MTMR14: variants seen among roughly 807,000 people sequenced by gnomAD.
MTMR14 encodes the protein myotubularin related protein 14.
Under a neutral mutation model 86.3 loss-of-function variants are expected in MTMR14, and 48 were observed. The ratio of observed to expected loss-of-function variants is 0.56; its 90% CI spans 0.44 to 0.71. MTMR14 has a LOEUF of 0.71. Ranked by LOEUF, MTMR14 falls within the 30% of genes least tolerant of loss-of-function variation. The pLI is 0.00. For missense variants in MTMR14, 780 were observed against 834.6 expected, an observed-to-expected ratio of 0.93 and a Z score of 0.81; for synonymous variants, 366 against 326.1, an observed-to-expected ratio of 1.12 and a Z score of -1.32.
At chr3:9,662,948 C>T (rs2048024437) in intron 3 of MTMR14, among the ~76,000 whole-genome samples, 1 of 152,108 alleles carries the variant, frequency 6.6e-6, no homozygotes, top group Admixed American at 6.6e-5. Flanking sequence ...GGGATGTGCC[C>T]ATTTCATTGC....
At chr3:9,686,352 C>T (rs986976136) in intron 13 of MTMR14, among the ~76,000 whole-genome samples, 3 of 152,194 alleles carry the variant, frequency 2.0e-5, no homozygotes, top group East Asian at 1.9e-4. Flanking sequence ...TCTCCCTCCC[C>T]GACAAAGCAG....
At chr3:9,675,106 C>G (rs1293296765) in intron 7 of MTMR14, among the ~76,000 whole-genome samples, 1 of 152,088 alleles carries the variant, frequency 6.6e-6, no homozygotes, top group Non-Finnish European at 1.5e-5. Context: ...AGGGAAACTC[C>G]GTCTCAAAAC....
chr3:9,670,019 C>A (rs1426686528), intron 5 of MTMR14, among the ~76,000 whole-genome samples: 4 of 152,174 alleles, frequency 2.6e-5, no homozygotes, highest in African/African-American at 4.8e-5. Context: ...GAGTTTGAGT[C>A]CCTATAAAAG....
chr3:9,687,979 C>T, intron 14 of MTMR14, 88 bp downstream of exon 14: 1 of 1,094,742 alleles, frequency 9.1e-7, no homozygotes, highest in Non-Finnish European at 1.4e-6. Context: ...CCACCTCATT[C>T]CCGCCCTGCC....
At chr3:9,689,198 G>A in intron 16 of MTMR14, 116 bp downstream of exon 16, 1 of 1,448,692 alleles carries the variant, frequency 6.9e-7, no homozygotes, top group South Asian at 1.2e-5. Context: ...AGAGCTGAGA[G>A]GATAGCTCCG....
intron 1 of MTMR14, among the ~76,000 whole-genome samples, chr3:9,651,811 A>G (rs1280896843): frequency 6.8e-6 from 1 of 148,124 alleles, no homozygotes; most frequent in African/African-American, 2.5e-5. Context: ...GACTACAGGC[A>G]TGCACCATCA....
At chr3:9,698,181 G>T (rs1192550751) in intron 18 of MTMR14, among the ~76,000 whole-genome samples, 1 of 152,156 alleles carries the variant, frequency 6.6e-6, no homozygotes, top group Non-Finnish European at 1.5e-5. Context: ...CATGAGAATC[G>T]TTTGAAGGCA....
chr3:9,669,224 T>C (rs1352397454), intron 4 of MTMR14, among the ~76,000 whole-genome samples: 6 of 151,646 alleles, frequency 4.0e-5, no homozygotes, highest in Non-Finnish European at 8.8e-5. Context: ...ATCAGGGGCC[T>C]TCCTTTGATC....
chr3:9,698,184 T>G (rs766238487), intron 18 of MTMR14, among the ~76,000 whole-genome samples: 8 of 152,070 alleles, frequency 5.3e-5, no homozygotes, highest in Non-Finnish European at 1.0e-4. Context: ...GAGAATCGTT[T>G]GAAGGCAGAA....
At position 9,663,502 on chromosome 3, in the gene MTMR14, T is replaced by TC. The variant is rs1491185997; in HGVS notation, c.417+1127_417+1128insC. Among the ~76,000 whole-genome samples the TC allele has an allele frequency of 3.8e-3, 288 of 75,822 alleles. 19 individuals carry two copies. Among genetic ancestry groups the TC allele is most frequent in the African/African-American group, 0.017 (277 of 16,300 alleles). The allele number at this position is 75,822 out of a possible 152,430, so 49.7% of individuals were successfully genotyped here. A position where few individuals can be genotyped will look rare whatever the true frequency, so the allele number is the denominator to read the frequency against. The stretch of plus-strand genomic sequence containing the variant: ...TTTTTTTTGAGATGGAGTCTCTCTC[T>TC]TTTTTTTTTTTTTTTTTTTTTTTTT... On this transcript the variant is annotated intron_variant, in intron 3 of 18. Transcript: ENST00000296003.
Position 9,677,531 on chromosome 3 carries a change from CCT to C in MTMR14, c.822+148_822+149del. The C allele has an allele frequency of 1.4e-6, 1 of 722,268 alleles. No individual in the cohort carries two copies. The allele number at this position is 722,268 out of a possible 1,614,324, so 44.7% of individuals were successfully genotyped here. On this transcript the variant is annotated intron_variant, in intron 8 of 18. Coordinates refer to ENST00000296003, the MANE Select transcript of MTMR14 (RefSeq NM_001077525.3). The surrounding 1 kb of genome is among the most constrained non-coding windows in gnomAD (Gnocchi z 4.2). ...TTTCCTCCCTGATTGTTTCTGTCTTCCTCTCCCTCTTCTCCTTGTATATACTT... is the reference window on the plus strand; with the variant it reads ...TTTCCTCCCTGATTGTTTCTGTCTTCCTCCCTCTTCTCCTTGTATATACTT...
chr3:9,689,039 GC>G lies in MTMR14; in HGVS notation c.1392del (p.Val465TrpfsTer95). The G allele has an allele frequency of 6.2e-7, 1 of 1,613,648 alleles. No individual in the cohort carries two copies. The highest frequency in any genetic ancestry group is 8.5e-7 in the Non-Finnish European group (1 of 1,180,028). ...AGCCACTGGGAGCTTCACCTATGAG[GC>G]CGTGGAGCTGGTCCCAGCAGGAGCG... ...PGATGSFTYE[A>X]VELVPAGAPT... On this transcript the variant is annotated frameshift_variant, in exon 16 of 19. Coordinates refer to ENST00000296003, the MANE Select transcript of MTMR14 (RefSeq NM_001077525.3). LOFTEE classifies it high-confidence loss of function.
intron 14 of MTMR14, among the ~76,000 whole-genome samples, chr3:9,688,220 C>G (rs1200814886): frequency 6.6e-6 from 1 of 152,218 alleles, no homozygotes; most frequent in Non-Finnish European, 1.5e-5. Context: ...GGACTCTTAA[C>G]TCCCAGTGTG....
At chr3:9,658,024 A>T (rs2047713417) in intron 2 of MTMR14, among the ~76,000 whole-genome samples, 1 of 152,212 alleles carries the variant, frequency 6.6e-6, no homozygotes, top group Non-Finnish European at 1.5e-5. Context: ...CCTCACAGTT[A>T]GGCCAAGGCC....
At chr3:9,656,149 C>G (rs150799871) in intron 2 of MTMR14, among the ~76,000 whole-genome samples, 3 of 151,870 alleles carry the variant, frequency 2.0e-5, no homozygotes, top group Non-Finnish European at 4.4e-5. Flanking sequence ...GAGCCAAGAT[C>G]GAACCACTGC....
chr3:9,684,928 T>C lies in MTMR14; in HGVS notation c.1091T>C (p.Leu364Pro). The C allele has an allele frequency of 6.2e-7, 1 of 1,614,190 alleles. No homozygotes were observed. The highest frequency in any genetic ancestry group is 8.5e-7 in the Non-Finnish European group (1 of 1,180,024). The change falls in exon 12 of 19, where the codon CTC (leucine) becomes CCC (proline). Residue 364 changes from leucine (L) to proline (P), a missense_variant. Leu to Pro is a moderately conservative substitution (Grantham distance 98). Transcript: ENST00000296003. ...IHTSLKPTEI[L>P]YLTVAYDWFL... ...ACGTCCCTGAAGCCCACTGAGATCC[T>C]CTACCTCACTGTGGCCTATGACTGG... is the stretch of plus-strand genomic sequence containing the variant.
At chr3:9,654,359 G>A (rs2047476138) in intron 2 of MTMR14, among the ~76,000 whole-genome samples, 1 of 152,186 alleles carries the variant, frequency 6.6e-6, no homozygotes, top group Non-Finnish European at 1.5e-5. Context: ...GCTGATAAAA[G>A]CCTGACATGT....
chr3:9,668,840 A>G (rs775459673), intron 4 of MTMR14, 46 bp downstream of exon 4: 1 of 1,595,946 alleles, frequency 6.3e-7, no homozygotes, highest in South Asian at 1.1e-5. Flanking sequence ...GAACCCAGTC[A>G]TAGAGAATAG....
chr3:9,650,334 T>C, intron 1 of MTMR14: 1 of 456,646 alleles, frequency 2.2e-6, no homozygotes, highest in South Asian at 1.5e-5. Flanking sequence ...CCAGTCGTCT[T>C]ATCGCCAGAC....
Sources: gnomAD v4.1 joint callset for allele counts (sites outside exome capture counted in the v4.1 genomes callset) on GRCh38, gnomAD v4.1.1 for gene constraint, Gnocchi (gnomAD v3.1) non-coding constraint, MANE v1.5 for transcripts, NCBI Gene and HGNC (gene_info 2026-07-23, HGNC 2026-07-21) for gene names.